APTX: variants seen among roughly 807,000 people sequenced by gnomAD.
The protein encoded by APTX is forkhead-associated domain histidine triad-like protein.
In APTX, 33 loss-of-function variants were observed where a neutral mutation model predicts 42.3. The observed-to-expected ratio is 0.78, with a 90% CI of 0.59 to 1.04. The LOEUF (loss-of-function observed/expected upper bound fraction) is 1.04. Ranked by LOEUF, APTX falls within the 50% of genes least tolerant of loss-of-function variation. The pLI, the probability that APTX is intolerant of heterozygous loss-of-function variation, is 0.00. For synonymous variants in APTX, 130 were observed against 146.7 expected, an observed-to-expected ratio of 0.89 and a Z score of 0.82; for missense variants, 421 against 415.1, an observed-to-expected ratio of 1.01 and a Z score of -0.12.
chr9:33,017,951 G>A (rs866624700), intron 1 of APTX, among the ~76,000 whole-genome samples: 5 of 99,804 alleles, frequency 5.0e-5, no homozygotes, highest in Admixed American at 4.8e-4. Context: ...TCCCATTTTC[G>A]GGCTCTCCAA....
intron 1 of APTX, among the ~76,000 whole-genome samples, chr9:33,012,386 C>A (rs1837602223): frequency 6.6e-6 from 1 of 152,186 alleles, no homozygotes; most frequent in African/African-American, 2.4e-5. Flanking sequence ...TGATTCTCCC[C>A]TTTCAGAATT....
intron 1 of APTX, among the ~76,000 whole-genome samples, chr9:33,009,977 A>C (rs1443489170): frequency 6.6e-6 from 1 of 152,106 alleles, no homozygotes; most frequent in South Asian, 2.1e-4. Context: ...CTCCTCGCCT[A>C]TTTGCCCAAA....
chr9:33,001,962 C>G (rs1720658486), upstream of APTX, among the ~76,000 whole-genome samples: 1 of 152,174 alleles, frequency 6.6e-6, no homozygotes, highest in Admixed American at 6.5e-5. Context: ...ACCTTTAAGG[C>G]CATCTCTCCT....
intron 1 of APTX, among the ~76,000 whole-genome samples, chr9:33,016,626 T>G (rs2119274489): frequency 1.3e-5 from 2 of 152,190 alleles, no homozygotes; most frequent in East Asian, 3.9e-4. Context: ...TGAGGAAAAT[T>G]GTGGACTTTT....
chr9:33,007,890 C>T (rs564354581), intron 1 of APTX, among the ~76,000 whole-genome samples: 3 of 151,932 alleles, frequency 2.0e-5, no homozygotes, highest in South Asian at 4.2e-4. Context: ...CAGAGGGGTA[C>T]TCTGCCTATC....
At position 32,986,032 on chromosome 9, in the gene APTX, T is replaced by TAAAAAAAAACAAAAAAAAAAAAAA; in HGVS notation, c.484-3_484-2insTTTTTTTTTTTTTTGTTTTTTTTT. The TAAAAAAAAACAAAAAAAAAAAAAA allele has an allele frequency of 4.0e-5, 29 of 732,414 alleles. No homozygotes were observed. The highest frequency in any genetic ancestry group is 2.0e-4 in the East Asian group (5 of 24,910). 45.4% of individuals were successfully genotyped at this position (732,414 alleles called of 1,614,324 possible). Reference sequence around the variant, plus strand: ...TTGACTCCAGTGGCCCAGGGATTCCTAAAAAAAAAACAAAAAAAAAAACAA... The same window carrying TAAAAAAAAACAAAAAAAAAAAAAA: ...TTGACTCCAGTGGCCCAGGGATTCCTAAAAAAAAACAAAAAAAAAAAAAAAAAAAAAAAACAAAAAAAAAAACAA... On this transcript the variant is annotated splice_polypyrimidine_tract_variant and splice_region_variant and intron_variant, in intron 4 of 7. Transcript: ENST00000379817.
intron 1 of APTX, among the ~76,000 whole-genome samples, chr9:33,009,410 T>C (rs993830654): frequency 6.6e-6 from 1 of 152,200 alleles, no homozygotes; most frequent in African/African-American, 2.4e-5. Flanking sequence ...ATTGAGTTCC[T>C]TGATGTTCGT....
chr9:32,997,214 C>T (rs1835145794), intron 1 of APTX: 1 of 152,128 alleles, frequency 6.6e-6, no homozygotes, highest in Non-Finnish European at 1.5e-5. Flanking sequence ...TCAAAAAACT[C>T]AGCCTTAGCC....
chr9:33,013,727 C>T (rs1319929453), intron 1 of APTX, among the ~76,000 whole-genome samples: 1 of 152,140 alleles, frequency 6.6e-6, no homozygotes, highest in Admixed American at 6.5e-5. Flanking sequence ...TGGTGTGAAC[C>T]CGGGAGGCGG....
chr9:32,973,758 A>G (rs1172801320), intron 7 of APTX, 106 bp from the exon 8 acceptor site: 1 of 1,439,864 alleles, frequency 6.9e-7, no homozygotes, highest in South Asian at 1.1e-5. Flanking sequence ...TCAGTATGCC[A>G]GGCCAGGTAT....
intron 7 of APTX, 114 bp downstream of exon 7, chr9:32,974,344 C>T: frequency 2.7e-6 from 2 of 742,966 alleles, no homozygotes; most frequent in South Asian, 3.0e-5. Flanking sequence ...ATAGGGAACA[C>T]AAAGTTGTAC....
chr9:33,002,746 G>T (rs1836769112), upstream of APTX, among the ~76,000 whole-genome samples: 1 of 152,160 alleles, frequency 6.6e-6, no homozygotes, highest in Non-Finnish European at 1.5e-5. Context: ...CCATGCTTCA[G>T]CAAGTATCAT....
In APTX at chr9:32,988,268, C is replaced by T. The variant is rs1328040156; in HGVS notation, c.134-139G>A. 8.1e-6 allele frequency: 6 copies of T among 743,310 alleles called. 1 individual carries two copies. The highest frequency in any genetic ancestry group is 3.0e-5 in the South Asian group (2 of 66,354). The allele number at this position is 743,310 out of a possible 1,614,324, so 46.0% of individuals were successfully genotyped here. A position where few individuals can be genotyped will look rare whatever the true frequency, so the allele number is the denominator to read the frequency against. On this transcript the variant is annotated intron_variant, in intron 2 of 7. Transcript: ENST00000379817. ...TTCCTTAAAGGCCTATTAGCAATCACCTGTTATTGCAGGTGGCTGGAGCTC... is the reference window on the plus strand; with the variant it reads ...TTCCTTAAAGGCCTATTAGCAATCATCTGTTATTGCAGGTGGCTGGAGCTC...
In APTX at chr9:32,984,825, C is replaced by G; in HGVS notation, c.576G>C (p.Lys192Asn). The G allele has an allele frequency of 1.2e-6, 2 of 1,614,216 alleles. No individual in the cohort carries two copies. Among genetic ancestry groups the G allele is most frequent in the South Asian group, 1.1e-5 (1 of 91,080 alleles). ...GGTAACGGGCCTTTGGGTATTTATC[C>G]TTTATCACCACCACCTGCTCATCTT... is the stretch of plus-strand genomic sequence containing the variant. ...VYKDEQVVVI[K>N]DKYPKARYHW... Residue 192 changes from lysine to asparagine, a missense_variant, in exon 6 of 8, where the codon AAG (lysine) becomes AAC (asparagine). By Grantham distance (94) the Lys-to-Asn change is moderately conservative. Coordinates refer to ENST00000379817, the MANE Select transcript of APTX (RefSeq NM_001195248.2).
intron 4 of APTX, among the ~76,000 whole-genome samples, chr9:32,986,605 C>A (rs546482936): frequency 4.6e-5 from 7 of 151,406 alleles, no homozygotes; most frequent in Admixed American, 3.3e-4. Context: ...CGGGTTCAAG[C>A]GATGCTCCTG....
chr9:32,989,530 T>C (rs926525001), intron 2 of APTX: 2 of 667,216 alleles, frequency 3.0e-6, no homozygotes, highest in Non-Finnish European at 5.4e-6. Flanking sequence ...GGTAACAGTA[T>C]GAACTTGACT....
rs373304582 is a variant in APTX at position 32,986,032 on chromosome 9, T to TAAAA, written c.484-6_484-3dup. On this transcript the variant is annotated splice_polypyrimidine_tract_variant and splice_region_variant and intron_variant, in intron 4 of 7. Transcript: ENST00000379817. Reference sequence around the variant, plus strand: ...TTGACTCCAGTGGCCCAGGGATTCCTAAAAAAAAAACAAAAAAAAAAACAA... The same window carrying TAAAA: ...TTGACTCCAGTGGCCCAGGGATTCCTAAAAAAAAAAAAAACAAAAAAAAAAACAA... 1.4e-4 allele frequency: 105 copies of TAAAA among 733,138 alleles called. 1 individual carries two copies. Among genetic ancestry groups the TAAAA allele is most frequent in the African/African-American group, 1.2e-3 (24 of 20,548 alleles). The allele number at this position is 733,138 out of a possible 1,614,324, so 45.4% of individuals were successfully genotyped here.
chr9:33,000,976 TAGCTGGGATTACAGGCATGCGCCACCAC>T (rs1836279725), intron 1 of APTX, among the ~76,000 whole-genome samples: 2 of 151,274 alleles, frequency 1.3e-5, no homozygotes, highest in Non-Finnish European at 2.9e-5. Flanking sequence ...CCCTCCCGAG[TAGCTGGGATTACAGGCATGCGCCACCAC>T]ACCTGGCTAG....
At chr9:32,988,482 C>T (rs1832724206) in intron 2 of APTX, among the ~76,000 whole-genome samples, 1 of 152,100 alleles carries the variant, frequency 6.6e-6, no homozygotes, top group South Asian at 2.1e-4. Context: ...CTGTTTCTCC[C>T]AGCCTGGGCA....
Sources: gnomAD v4.1 joint callset for allele counts (sites outside exome capture counted in the v4.1 genomes callset) on GRCh38, gnomAD v4.1.1 for gene constraint, MANE v1.5 for transcripts, NCBI Gene and HGNC (gene_info 2026-07-23, HGNC 2026-07-21) for gene names.